FYB2: variants seen among roughly 807,000 people sequenced by gnomAD.
The protein encoded by FYB2 is FYN-binding protein 2.
Under a neutral mutation model 94.1 loss-of-function variants are expected in FYB2, and 103 were observed. That is an observed-to-expected ratio of 1.09 (90% confidence interval 0.93 to 1.29). FYB2 has a LOEUF of 1.29. Among genes scored for constraint, FYB2 ranks in the 50% most tolerant of loss-of-function variants. FYB2 has a pLI of 0.00. For missense variants in FYB2, 896 were observed against 841.5 expected (o/e 1.06, Z -0.80); for synonymous variants, 293 against 287.9 (o/e 1.02, Z -0.18).
At chr1:56,800,477 AT>A (rs1233260406) in intron 1 of FYB2, among the ~76,000 whole-genome samples, 5 of 152,164 alleles carry the variant, frequency 3.3e-5, no homozygotes, top group Non-Finnish European at 7.4e-5. Flanking sequence ...AGGCAAAAAA[AT>A]AAATAAATTA....
At chr1:56,771,271 A>G (rs1645748077) in intron 4 of FYB2, among the ~76,000 whole-genome samples, 1 of 152,202 alleles carries the variant, frequency 6.6e-6, no homozygotes, top group Non-Finnish European at 1.5e-5. Context: ...TCATATGAGG[A>G]AATACAATAC....
chr1:56,740,597 G>C (rs925653091), intron 13 of FYB2, 100 bp downstream of exon 13: 2 of 672,316 alleles, frequency 3.0e-6, no homozygotes, highest in Admixed American at 6.6e-5. Flanking sequence ...TTTAGTTTCT[G>C]ATATCCCCTT....
intron 1 of FYB2, among the ~76,000 whole-genome samples, chr1:56,800,268 G>A (rs2101021793): frequency 6.6e-6 from 1 of 152,250 alleles, no homozygotes; most frequent in East Asian, 1.9e-4. Context: ...TATAGCATCT[G>A]AGTCACCCTT....
intron 4 of FYB2, among the ~76,000 whole-genome samples, chr1:56,780,014 C>T (rs1570122638): frequency 1.3e-5 from 2 of 152,112 alleles, no homozygotes; most frequent in African/African-American, 4.8e-5. Context: ...ATAATATTGC[C>T]ATTTTATAGG....
chr1:56,764,293 A>G (rs1375146447), intron 5 of FYB2, among the ~76,000 whole-genome samples: 1 of 151,968 alleles, frequency 6.6e-6, no homozygotes, highest in Non-Finnish European at 1.5e-5. Flanking sequence ...GTTTTCAGTC[A>G]CTATTTCTCC....
rs369675097 is a variant in FYB2, at chr1:56,773,279, T to C, written c.954-5341A>G. Among the ~76,000 whole-genome samples the C allele has an allele frequency of 7.9e-5, 12 of 152,300 alleles. No individual in the cohort carries two copies. In the East Asian group the frequency reaches 1.2e-3, roughly 15 times the overall value. ...AAGGTCCCCGCAGAATCCCTCATTG[T>C]CCTTTGGAGAATAATTAGTTAACCT... On this transcript the variant is annotated intron_variant, in intron 4 of 19. Coordinates refer to ENST00000343433, the MANE Select transcript of FYB2 (RefSeq NM_001004303.5).
At chr1:56,737,817 G>A (rs1035314931) in intron 14 of FYB2, among the ~76,000 whole-genome samples, 1 of 151,986 alleles carries the variant, frequency 6.6e-6, no homozygotes, top group African/African-American at 2.4e-5. Flanking sequence ...ACCTTCAAAT[G>A]TGGGTGGGGA....
chr1:56,800,963 G>C (rs1242484066), intron 1 of FYB2, among the ~76,000 whole-genome samples: 2 of 152,158 alleles, frequency 1.3e-5, no homozygotes, highest in East Asian at 3.9e-4. Context: ...TCAGGCCAGT[G>C]AGACTTACAT....
At chr1:56,743,977 C>A (rs1645013924) in intron 11 of FYB2, 49 bp downstream of exon 11, 2 of 1,561,372 alleles carry the variant, frequency 1.3e-6, no homozygotes, top group Admixed American at 1.7e-5. Context: ...GCCATAGAAG[C>A]ATTCTGCAAT....
chr1:56,737,094 C>A lies in FYB2; in HGVS notation c.1786G>T (p.Glu596Ter), dbSNP rs773838481. ...IYDDVDLSEK[E>*]SKDEDKLKMW... ...ATAAGGTAAATTACTTACTTTGACT[C>A]TTTTTCACTCAGGTCTACATCATCA... Residue 596 changes from glutamate (E) to a stop codon, truncating the protein, a stop_gained, in exon 15 of 20, where the codon GAG becomes TAG. Coordinates refer to ENST00000343433, the MANE Select transcript of FYB2 (RefSeq NM_001004303.5). LOFTEE classifies it high-confidence loss of function. 1.2e-6 allele frequency: 2 copies of A among 1,602,856 alleles called. No individual in the cohort carries two copies. Among genetic ancestry groups the A allele is most frequent in the African/African-American group, 1.3e-5 (1 of 74,460 alleles).
chr1:56,824,577 C>G (rs1647013092), upstream of FYB2: 3 of 152,220 alleles, frequency 2.0e-5, no homozygotes, highest in Admixed American at 2.0e-4. Context: ...TAGCTTCTCT[C>G]TCACACTCTT....
At chr1:56,755,873 T>C in intron 7 of FYB2, 23 bp downstream of exon 7, 1 of 1,591,212 alleles carries the variant, frequency 6.3e-7, no homozygotes, top group Non-Finnish European at 8.6e-7. Flanking sequence ...ACAGGTGCTT[T>C]TCTTTTGAAA....
intron 6 of FYB2, among the ~76,000 whole-genome samples, chr1:56,757,892 C>G (rs558296363): frequency 7.7e-4 from 117 of 151,166 alleles, no homozygotes; most frequent in African/African-American, 2.8e-3. Context: ...GCCTCAGCCT[C>G]TCGAGTAGCT....
chr1:56,786,504 AC>A (rs1646135494), intron 4 of FYB2, among the ~76,000 whole-genome samples: 2 of 152,316 alleles, frequency 1.3e-5, no homozygotes, highest in African/African-American at 4.8e-5. Context: ...TCTGAGACTA[AC>A]CTTTTTGAGA....
At chr1:56,739,276 T>A (rs1644897689) in intron 13 of FYB2, among the ~76,000 whole-genome samples, 1 of 152,098 alleles carries the variant, frequency 6.6e-6, no homozygotes, top group South Asian at 2.1e-4. Context: ...CTGCCGGTTA[T>A]CATGCCAATA....
In FYB2 at chr1:56,787,204, A is replaced by G. The variant is rs774777206; in HGVS notation, c.924T>C (p.Thr308=). ...CTGGAGACAGGGAGCCCTCTTCCAC[A>G]GTCACTGCAAGAGAAAGAGGCGGAA... ...AAVPKTQGEV[T]VEEGSLSPER... is the part of the protein sequence containing the mutation. The change falls in exon 4 of 20, where the codon ACT becomes ACC. Residue 308 remains threonine, a synonymous_variant. Coordinates refer to ENST00000343433, the MANE Select transcript of FYB2 (RefSeq NM_001004303.5). The G allele has an allele frequency of 2.4e-5, 39 of 1,613,822 alleles. No homozygotes were observed. The highest frequency in any genetic ancestry group is 1.8e-4 in the East Asian group (8 of 44,870).
Position 56,788,976 on chromosome 1 carries a change from C to T in FYB2, c.916G>A (p.Glu306Lys). The change falls in exon 3 of 20, where the codon GAA (glutamate) becomes AAA (lysine). Residue 306 changes from glutamate to lysine, a missense_variant. Coordinates refer to ENST00000343433, the MANE Select transcript of FYB2 (RefSeq NM_001004303.5). ...AGGGCCCTGTGCATTTCCTTACCTT[C>T]CCCCTGAGTCTTGGGAACAGCAGCT... ...QPAAVPKTQG[E>K]VTVEEGSLSP... 6.2e-7 allele frequency: 1 copy of T among 1,613,940 alleles called. No homozygotes were observed. Among genetic ancestry groups the T allele is most frequent in the Non-Finnish European group, 8.5e-7 (1 of 1,179,938 alleles).
intron 5 of FYB2, among the ~76,000 whole-genome samples, chr1:56,761,568 AC>A (rs1360616819): frequency 2.0e-5 from 3 of 152,134 alleles, no homozygotes; most frequent in Non-Finnish European, 4.4e-5. Context: ...AGTCTATATG[AC>A]CTCTGAGGAC....
intron 1 of FYB2, among the ~76,000 whole-genome samples, chr1:56,798,384 A>G (rs146364904): frequency 9.7e-4 from 147 of 152,318 alleles, no homozygotes; most frequent in Middle Eastern, 6.8e-3. Context: ...AACCTAAGAT[A>G]AAAGACAGTG....
Sources: allele counts gnomAD v4.1 joint callset (sites outside exome capture counted in the v4.1 genomes callset), GRCh38; gene constraint gnomAD v4.1.1; transcripts MANE v1.5; gene names NCBI Gene and HGNC (gene_info 2026-07-23, HGNC 2026-07-21).